WDR7: variants seen among roughly 807,000 people sequenced by gnomAD.
WDR7 encodes WD repeat domain 7, also known as WD repeat-containing protein 7.
In WDR7, 46 loss-of-function variants were observed where a neutral mutation model predicts 169.4. The observed-to-expected ratio is 0.27, with a 90% CI of 0.21 to 0.35. The LOEUF is 0.35. WDR7 is among the 10% of genes least tolerant of loss of function. The pLI is 1.00. For missense variants in WDR7, 1,534 were observed against 1,859.3 expected (o/e 0.83, Z 3.22); for synonymous variants, 612 against 666.8 (o/e 0.92, Z 1.27).
At chr18:56,696,099 G>A (rs1354098410) in intron 11 of WDR7, 143 bp from the exon 12 acceptor site, 1 of 682,974 alleles carries the variant, frequency 1.5e-6, no homozygotes, top group East Asian at 2.7e-5. Flanking sequence ...ACTGAATTAG[G>A]CAGAGTTGTG....
chr18:56,768,632 C>G (rs1188197624), intron 16 of WDR7, among the ~76,000 whole-genome samples: 1 of 152,078 alleles, frequency 6.6e-6, no homozygotes, highest in African/African-American at 2.4e-5. Context: ...AATATTTCAG[C>G]AGTTAGAGCA....
chr18:56,717,957 T>C lies in WDR7; in HGVS notation c.1579-7T>C. The C allele has an allele frequency of 6.4e-7, 1 of 1,572,922 alleles. No homozygotes were observed. The highest frequency in any genetic ancestry group is 1.4e-5 in the African/African-American group (1 of 73,140). On this transcript the variant is annotated splice_polypyrimidine_tract_variant and splice_region_variant and intron_variant, in intron 12 of 27. Transcript: ENST00000254442. ...TAAACACAATTAAGGTTTATTCTTCTTTTCAGGCAAGAGTACAGCACTGCA... is the reference window on the plus strand; with the variant it reads ...TAAACACAATTAAGGTTTATTCTTCCTTTCAGGCAAGAGTACAGCACTGCA...
intron 12 of WDR7, among the ~76,000 whole-genome samples, chr18:56,699,177 G>C (rs1402594806): frequency 1.3e-5 from 2 of 152,196 alleles, no homozygotes; most frequent in African/African-American, 4.8e-5. Context: ...TTAATAACCT[G>C]TTCAGTTAGC....
At chr18:56,756,340 T>C (rs187951506) in intron 14 of WDR7, among the ~76,000 whole-genome samples, 34 of 152,320 alleles carry the variant, frequency 2.2e-4, no homozygotes, top group Admixed American at 2.2e-3. Flanking sequence ...TATTATTTTC[T>C]TGGTTTTTAA....
chr18:56,707,348 A>G (rs189118208), intron 12 of WDR7, among the ~76,000 whole-genome samples: 166 of 151,712 alleles, frequency 1.1e-3, no homozygotes, highest in African/African-American at 4.0e-3. Context: ...CTTGTTTCCC[A>G]ACTATGGCCA....
In WDR7 at chr18:56,690,256, G is replaced by A. The variant is rs2025535434; in HGVS notation, c.718-960G>A. Among the ~76,000 whole-genome samples, 2 of 152,210 alleles carry A rather than the reference G, an allele frequency of 1.3e-5. 1 individual carries two copies. The highest frequency in any genetic ancestry group is 4.1e-4 in the South Asian group (2 of 4,826). On this transcript the variant is annotated intron_variant, in intron 7 of 27. Coordinates refer to ENST00000254442, the MANE Select transcript of WDR7 (RefSeq NM_015285.3). ...TCTGTAAACTGGAATAGTAACATCTGCGGTGATTCTCAGGGTCATATGAGA... is the reference window on the plus strand; with the variant it reads ...TCTGTAAACTGGAATAGTAACATCTACGGTGATTCTCAGGGTCATATGAGA...
chr18:56,846,868 T>A (rs561133582), intron 20 of WDR7, among the ~76,000 whole-genome samples: 1 of 152,372 alleles, frequency 6.6e-6, no homozygotes, highest in East Asian at 1.9e-4. Context: ...TTAAGCTTCT[T>A]TTCTTTATAA....
At chr18:56,671,143 C>A (rs2025124666) in intron 1 of WDR7, among the ~76,000 whole-genome samples, 1 of 152,188 alleles carries the variant, frequency 6.6e-6, no homozygotes, top group Admixed American at 6.5e-5. Flanking sequence ...CCAGAAGCTA[C>A]ATTTTTTTCT....
intron 15 of WDR7, among the ~76,000 whole-genome samples, chr18:56,757,977 A>T: frequency 6.6e-6 from 1 of 151,932 alleles, no homozygotes; most frequent in Middle Eastern, 3.2e-3. Flanking sequence ...TCAAAAAAAA[A>T]AAAATGTATA....
chr18:57,030,249 C>G (rs1047359063), downstream of WDR7: 1 of 152,184 alleles, frequency 6.6e-6, no homozygotes, highest in Non-Finnish European at 1.5e-5. Flanking sequence ...GTCCTTACTG[C>G]TCATAGAGGG....
chr18:56,836,636 AT>A (rs1469720631), intron 20 of WDR7, among the ~76,000 whole-genome samples: 1 of 152,108 alleles, frequency 6.6e-6, no homozygotes, highest in Non-Finnish European at 1.5e-5. Flanking sequence ...TCTTGCGTCT[AT>A]TTTCATCTAT....
intron 25 of WDR7, among the ~76,000 whole-genome samples, chr18:56,948,161 C>T (rs1009910687): frequency 5.3e-5 from 8 of 151,930 alleles, no homozygotes; most frequent in East Asian, 1.9e-4. Flanking sequence ...ATTATATGCA[C>T]GACTGCACAT....
intron 13 of WDR7, among the ~76,000 whole-genome samples, chr18:56,731,009 G>C (rs1299003001): frequency 6.6e-6 from 1 of 152,042 alleles, no homozygotes. Flanking sequence ...TTTCGTTTAA[G>C]ATTGATATAC....
intron 26 of WDR7, among the ~76,000 whole-genome samples, chr18:57,019,444 C>T (rs1250711556): frequency 6.6e-6 from 1 of 152,056 alleles, no homozygotes; most frequent in African/African-American, 2.4e-5. Context: ...TAGTAGAGCT[C>T]ACATGCAAAC....
intron 19 of WDR7, among the ~76,000 whole-genome samples, chr18:56,798,047 G>C (rs532707333): frequency 6.6e-6 from 1 of 152,104 alleles, no homozygotes; most frequent in Non-Finnish European, 1.5e-5. Context: ...TCTGTAATCT[G>C]TTACATGATG....
chr18:56,756,489 C>T (rs2043891207), intron 14 of WDR7, 94 bp from the exon 15 acceptor site: 1 of 1,121,688 alleles, frequency 8.9e-7, no homozygotes, highest in Non-Finnish European at 1.2e-6. Context: ...GCTTAATAAG[C>T]ATGTTAATTC....
chr18:56,962,043 C>A (rs1422730357), intron 25 of WDR7, among the ~76,000 whole-genome samples: 1 of 151,908 alleles, frequency 6.6e-6, no homozygotes, highest in African/African-American at 2.4e-5. Flanking sequence ...TAAGTCTTCT[C>A]ATCTTTTCCA....
chr18:56,825,051 G>A lies in WDR7; in HGVS notation c.3304+8907G>A, dbSNP rs116229272. Among the ~76,000 whole-genome samples, 1,242 of 152,274 alleles carry A rather than the reference G, an allele frequency of 8.2e-3. 21 individuals are homozygous for A. Among genetic ancestry groups the A allele is most frequent in the African/African-American group, 0.026 (1,090 of 41,546 alleles). ...AGTGGAGATGTACTTGTGGATGATGGTCCCAGTTTCTTCAAAGTCTGGGAA... is the reference window on the plus strand; with the variant it reads ...AGTGGAGATGTACTTGTGGATGATGATCCCAGTTTCTTCAAAGTCTGGGAA... On this transcript the variant is annotated intron_variant, in intron 20 of 27. Coordinates refer to ENST00000254442, the MANE Select transcript of WDR7 (RefSeq NM_015285.3).
chr18:56,770,211 T>A (rs1303021799), intron 16 of WDR7, among the ~76,000 whole-genome samples: 2 of 152,190 alleles, frequency 1.3e-5, no homozygotes, highest in African/African-American at 4.8e-5. Context: ...GGAGTGCAAT[T>A]TATGATAATA....
Sources: gnomAD v4.1 joint callset for allele counts (sites outside exome capture counted in the v4.1 genomes callset) on GRCh38, gnomAD v4.1.1 for gene constraint, MANE v1.5 for transcripts, NCBI Gene and HGNC (gene_info 2026-07-23, HGNC 2026-07-21) for gene names.